The following STAU2 variants were observed in gnomAD, a reference collection of about 807,000 sequenced individuals.
STAU2 encodes double-stranded RNA-binding protein Staufen homolog 2.
In STAU2, 20 loss-of-function variants were observed where a neutral mutation model predicts 65.9. The ratio of observed to expected loss-of-function variants is 0.30; its 90% CI spans 0.21 to 0.44. STAU2 has a LOEUF of 0.44. STAU2 is among the 20% of genes least tolerant of loss of function. STAU2 has a pLI of 1.00. For missense variants in STAU2, 558 were observed against 683.9 expected (o/e 0.82, Z 2.05); for synonymous variants, 232 against 233.9 (o/e 0.99, Z 0.07).
At chr8:73,515,385 A>G (rs1177940740) in intron 13 of STAU2, among the ~76,000 whole-genome samples, 1 of 152,096 alleles carries the variant, frequency 6.6e-6, no homozygotes, top group Admixed American at 6.6e-5. Context: ...GTAGACTGAT[A>G]CTCTCTGGAT....
chr8:73,515,773 CTTTTTTTTTTTT>C lies in STAU2; in HGVS notation c.1530+36227_1530+36238del, dbSNP rs75132374. Among the ~76,000 whole-genome samples the C allele has an allele frequency of 7.7e-5, 7 of 90,930 alleles. 1 individual carries two copies. Among genetic ancestry groups the C allele is most frequent in the Admixed American group, 2.5e-4 (2 of 8,144 alleles). The allele number at this position is 90,930 out of a possible 152,430, so 59.7% of individuals were successfully genotyped here. A position where few individuals can be genotyped will look rare whatever the true frequency, so the allele number is the denominator to read the frequency against. ...TTCTCCCTGTGCTGAAAAAATTTCT[CTTTTTTTTTTTT>C]TTTTTTTTTTTTTTGAGACACGGTC... On this transcript the variant is annotated intron_variant, in intron 13 of 14. Coordinates refer to ENST00000524300, the MANE Select transcript of STAU2 (RefSeq NM_001164380.2).
At chr8:73,532,193 C>T (rs984615647) in intron 13 of STAU2, among the ~76,000 whole-genome samples, 4 of 152,118 alleles carry the variant, frequency 2.6e-5, no homozygotes, top group Non-Finnish European at 5.9e-5. Flanking sequence ...TAAGTTCCAA[C>T]CTGACTCTAA....
chr8:73,582,614 C>G (rs1163871066), intron 12 of STAU2, among the ~76,000 whole-genome samples, 156 bp downstream of exon 12: 4 of 151,998 alleles, frequency 2.6e-5, no homozygotes, highest in African/African-American at 9.7e-5. Flanking sequence ...GCTATTCTGT[C>G]AGTTCCAGGA....
chr8:73,659,545 G>T (rs1279705623), intron 6 of STAU2, among the ~76,000 whole-genome samples: 1 of 152,002 alleles, frequency 6.6e-6, no homozygotes, highest in Admixed American at 6.6e-5. Flanking sequence ...CTCAAAAAAA[G>T]AAGAGCTTCA....
chr8:73,590,941 A>C (rs1357236250), intron 11 of STAU2: 1 of 152,360 alleles, frequency 6.6e-6, no homozygotes, highest in Admixed American at 6.5e-5. Flanking sequence ...AAAAAAAATG[A>C]AAGTGAAATA....
intron 13 of STAU2, among the ~76,000 whole-genome samples, chr8:73,456,902 G>C (rs945599605): frequency 6.6e-6 from 1 of 152,144 alleles, no homozygotes; most frequent in African/African-American, 2.4e-5. Context: ...GCAGTGTACC[G>C]AGTAACAACA....
chr8:73,526,426 A>G (rs1805463628), intron 13 of STAU2, among the ~76,000 whole-genome samples: 1 of 152,242 alleles, frequency 6.6e-6, no homozygotes, highest in Non-Finnish European at 1.5e-5. Flanking sequence ...GTATGTCCTT[A>G]AGAATGTTTT....
At chr8:73,458,497 T>C (rs1202341628) in intron 13 of STAU2, among the ~76,000 whole-genome samples, 1 of 152,216 alleles carries the variant, frequency 6.6e-6, no homozygotes, top group Non-Finnish European at 1.5e-5. Flanking sequence ...TCTCTCCCAA[T>C]ACTTGTGAAG....
intron 10 of STAU2, 41 bp from the exon 11 acceptor site, chr8:73,595,338 G>A (rs1811106318): frequency 6.5e-7 from 1 of 1,528,632 alleles, no homozygotes; most frequent in African/African-American, 1.4e-5. Context: ...ATACATTTAT[G>A]ATAAATTTAA....
In STAU2 at chr8:73,739,777, T is replaced by C; in HGVS notation, c.-105A>G. The C allele has an allele frequency of 6.6e-7, 1 of 1,520,450 alleles. No individual in the cohort carries two copies. Among genetic ancestry groups the C allele is most frequent in the Non-Finnish European group, 8.7e-7 (1 of 1,142,950 alleles). 94.2% of individuals were successfully genotyped at this position (1,520,450 alleles called of 1,614,324 possible). A position where few individuals can be genotyped will look rare whatever the true frequency, so the allele number is the denominator to read the frequency against. On this transcript the variant is annotated 5_prime_UTR_variant, in exon 2 of 15. Coordinates refer to ENST00000524300, the MANE Select transcript of STAU2 (RefSeq NM_001164380.2). ...TTACCTTCTGAGCCTTGGTTCAAAT[T>C]ACTTTGTGTATCTTTGAGTTCTTCT...
chr8:73,492,423 G>T (rs551538466), intron 13 of STAU2, among the ~76,000 whole-genome samples: 15 of 151,932 alleles, frequency 9.9e-5, no homozygotes, highest in African/African-American at 3.6e-4. Flanking sequence ...ACCAGCCAAT[G>T]CTAAAATGGA....
At chr8:73,421,581 G>T in intron 14 of STAU2, 116 bp from the exon 15 acceptor site, 1 of 897,456 alleles carries the variant, frequency 1.1e-6, no homozygotes, top group Non-Finnish European at 1.7e-6. Context: ...ACATTTTAAA[G>T]TGAAACAACA....
intron 12 of STAU2, among the ~76,000 whole-genome samples, chr8:73,572,505 A>G (rs1809181740): frequency 6.6e-6 from 1 of 152,218 alleles, no homozygotes; most frequent in African/African-American, 2.4e-5. Flanking sequence ...CCTCAATAAA[A>G]TACTGGCAAA....
intron 10 of STAU2, among the ~76,000 whole-genome samples, chr8:73,601,612 T>C (rs1279540515): frequency 6.6e-6 from 1 of 152,174 alleles, no homozygotes; most frequent in African/African-American, 2.4e-5. Context: ...TTTGATAAAA[T>C]TGCTGCAATA....
chr8:73,714,129 C>A lies in STAU2; in HGVS notation c.-17-4967G>T, dbSNP rs183546812. Among the ~76,000 whole-genome samples, 283 of 152,146 alleles carry A rather than the reference C, an allele frequency of 1.9e-3. 1 individual carries two copies. The highest frequency in any genetic ancestry group is 6.4e-3 in the African/African-American group (265 of 41,494). Reference sequence around the variant, plus strand: ...TATTGGTCACGCTGGTCTCGAACTCCCGACCTCAGGTGATCCGCCCACCTC... The same window carrying A: ...TATTGGTCACGCTGGTCTCGAACTCACGACCTCAGGTGATCCGCCCACCTC... On this transcript the variant is annotated intron_variant, in intron 3 of 14. Coordinates refer to ENST00000524300, the MANE Select transcript of STAU2 (RefSeq NM_001164380.2).
At chr8:73,678,591 T>C (rs1408397142) in intron 5 of STAU2, among the ~76,000 whole-genome samples, 1 of 152,206 alleles carries the variant, frequency 6.6e-6, no homozygotes, top group African/African-American at 2.4e-5. Flanking sequence ...AAATTACGTG[T>C]TCATATATAA....
intron 13 of STAU2, among the ~76,000 whole-genome samples, chr8:73,431,881 A>C (rs1044118387): frequency 3.3e-5 from 5 of 152,218 alleles, no homozygotes; most frequent in African/African-American, 1.2e-4. Flanking sequence ...CTTCAGGACT[A>C]AACAGTTTGT....
At chr8:73,616,507 C>A (rs1473881850) in intron 7 of STAU2, among the ~76,000 whole-genome samples, 1 of 152,052 alleles carries the variant, frequency 6.6e-6, no homozygotes, top group African/African-American at 2.4e-5. Flanking sequence ...AAGTAAGAAG[C>A]TCACTATGCT....
intron 13 of STAU2, among the ~76,000 whole-genome samples, chr8:73,449,828 C>T (rs1168314143): frequency 1.3e-5 from 2 of 152,196 alleles, no homozygotes; most frequent in Non-Finnish European, 2.9e-5. Flanking sequence ...GGCGGGGAGA[C>T]ACCTCTCCTG....
Sources: gnomAD v4.1 joint callset for allele counts (sites outside exome capture counted in the v4.1 genomes callset) on GRCh38, gnomAD v4.1.1 for gene constraint, MANE v1.5 for transcripts, NCBI Gene and HGNC (gene_info 2026-07-23, HGNC 2026-07-21) for gene names.